The following PPID variants were observed in gnomAD, a reference collection of about 807,000 sequenced individuals.
PPID encodes the protein peptidylprolyl isomerase D.
PPID carries 47 observed loss-of-function variants against 48.1 expected under a neutral mutation model. The ratio of observed to expected loss-of-function variants is 0.98; its 90% confidence interval spans 0.77 to 1.25. The LOEUF (loss-of-function observed/expected upper bound fraction) is 1.25, where lower values mean the gene tolerates loss of function less well. PPID is among the 50% of genes most tolerant of loss of function. The probability of loss-of-function intolerance (pLI) is 0.00; values close to 1 mark genes in which losing one functional copy is unlikely to be tolerated. For missense variants in PPID, 429 were observed against 443.5 expected, an observed-to-expected ratio of 0.97 and a Z score of 0.29; for synonymous variants, 163 against 148.8, an observed-to-expected ratio of 1.10 and a Z score of -0.69.
At chr4:158,721,823 T>C (rs775110825) in intron 1 of PPID, among the ~76,000 whole-genome samples, 31 of 152,236 alleles carry the variant, frequency 2.0e-4, no homozygotes, top group Admixed American at 1.3e-3. Context: ...TGTCTTCCTG[T>C]GCCCAGCTTA....
At chr4:158,716,087 CTTTT>C (rs17843926) in intron 4 of PPID, among the ~76,000 whole-genome samples, 1 of 151,620 alleles carries the variant, frequency 6.6e-6, no homozygotes, top group African/African-American at 2.4e-5. Context: ...AGGGGTTTTT[CTTTT>C]TTTCTTTTTT....
chr4:158,715,519 C>T (rs779483664), intron 5 of PPID, 43 bp downstream of exon 5: 28 of 1,598,404 alleles, frequency 1.8e-5, no homozygotes, highest in Admixed American at 1.7e-5. Flanking sequence ...AATATTTTCA[C>T]TTACTAAATT....
chr4:158,712,625 C>T lies in PPID; in HGVS notation c.894+494G>A, dbSNP rs556305177. 2.1e-4 allele frequency among the ~76,000 whole-genome samples: 32 copies of T among 152,234 alleles called. No homozygotes were observed. In the South Asian group the frequency reaches 5.4e-3, roughly 26 times the overall value. On this transcript the variant is annotated intron_variant, in intron 7 of 9. Transcript: ENST00000307720. ...TACAAAAATTATCTGGGCATGGTGGCACATGCCTGTAATCCCAGCTACTTG... is the reference window on the plus strand; with the variant it reads ...TACAAAAATTATCTGGGCATGGTGGTACATGCCTGTAATCCCAGCTACTTG...
At position 158,723,223 on chromosome 4, in the gene PPID, C is replaced by T. The variant is rs747098693; in HGVS notation, c.66G>A (p.Val22=). 1 of 1,613,980 alleles carries T rather than the reference C, an allele frequency of 6.2e-7. No homozygotes were observed. Among genetic ancestry groups the T allele is most frequent in the Non-Finnish European group, 8.5e-7 (1 of 1,179,980 alleles). Residue 22 remains valine, a synonymous_variant, in exon 1 of 10, where the codon GTG becomes GTA. Transcript: ENST00000307720. Reference sequence around the variant, plus strand: ...GCTCACCTCGCTCCCCTCCGATGTCCACGTCAAAGAAGACTCGAGGGTTAC... The same window carrying T: ...GCTCACCTCGCTCCCCTCCGATGTCTACGTCAAAGAAGACTCGAGGGTTAC... ...NPSNPRVFFD[V]DIGGERVGRI... is the part of the protein sequence containing the mutation.
intron 1 of PPID, 40 bp downstream of exon 1, chr4:158,723,164 C>G: frequency 6.3e-7 from 1 of 1,575,450 alleles, no homozygotes; most frequent in Non-Finnish European, 8.7e-7. Context: ...GGAACCCCCG[C>G]CTCCTCGGGG....
chr4:158,722,979 G>GA (rs1169917423), intron 1 of PPID, among the ~76,000 whole-genome samples: 2 of 152,226 alleles, frequency 1.3e-5, no homozygotes, highest in East Asian at 3.8e-4. Context: ...TCCCGAACTA[G>GA]AAATTTCCAG....
chr4:158,723,153 G>C, intron 1 of PPID, 51 bp downstream of exon 1: 1 of 1,543,092 alleles, frequency 6.5e-7, no homozygotes. Context: ...CCCAAATCCC[G>C]GGAACCCCCG....
intron 2 of PPID, among the ~76,000 whole-genome samples, chr4:158,720,918 G>A (rs17843894): frequency 0.058 from 8,837 of 152,058 alleles, 661 homozygotes; most frequent in African/African-American, 0.18. Flanking sequence ...GTTTCACCGC[G>A]TTAGCCAAGA....
intron 7 of PPID, among the ~76,000 whole-genome samples, chr4:158,711,189 A>G (rs1456653608): frequency 2.0e-5 from 3 of 152,188 alleles, no homozygotes; most frequent in Admixed American, 6.5e-5. Context: ...AGGAACATTA[A>G]TAACTTAATA....
In PPID at chr4:158,709,196, A is replaced by G. The variant is rs1774729599; in HGVS notation, c.*540T>C. The stretch of plus-strand genomic sequence containing the variant: ...TACAAGTTTAAAAAGACTGGACACC[A>G]TTATTTTTTATGAATAATGCACATA... On this transcript the variant is annotated 3_prime_UTR_variant, in exon 10 of 10. Transcript: ENST00000307720. The G allele has an allele frequency of 6.5e-6, 1 of 152,940 alleles. No homozygotes were observed. Among genetic ancestry groups the G allele is most frequent in the Admixed American group, 6.5e-5 (1 of 15,352 alleles). 9.5% of individuals were successfully genotyped at this position (152,940 alleles called of 1,614,324 possible).
intron 2 of PPID, among the ~76,000 whole-genome samples, chr4:158,720,700 T>TAAC (rs1774942879): frequency 1.6e-4 from 4 of 25,426 alleles, no homozygotes; most frequent in African/African-American, 4.3e-4. Flanking sequence ...ATTATGCATT[T>TAAC]TTTTGTTTGT....
chr4:158,719,603 C>T (rs952612578), intron 2 of PPID, among the ~76,000 whole-genome samples: 1 of 152,194 alleles, frequency 6.6e-6, no homozygotes, highest in African/African-American at 2.4e-5. Flanking sequence ...ACTCTGCCTA[C>T]ATAACATATG....
At chr4:158,723,161 C>A (rs1182726889) in intron 1 of PPID, 43 bp downstream of exon 1, 3 of 1,570,222 alleles carry the variant, frequency 1.9e-6, no homozygotes, top group Non-Finnish European at 2.6e-6. Context: ...CCGGGAACCC[C>A]CGCCTCCTCG....
At chr4:158,711,684 G>C (rs914935658) in intron 7 of PPID, among the ~76,000 whole-genome samples, 1 of 152,198 alleles carries the variant, frequency 6.6e-6, no homozygotes, top group Non-Finnish European at 1.5e-5. Context: ...AAGAGATCGA[G>C]GCTGGGCAGA....
chr4:158,711,784 T>C (rs7673822), intron 7 of PPID, among the ~76,000 whole-genome samples: 140,110 of 152,022 alleles, frequency 0.92, 65,498 homozygotes, highest in East Asian at 1. Context: ...CTGGGCAACA[T>C]GTCAAAAACC....
chr4:158,721,310 A>G (rs1292816721), intron 2 of PPID, 33 bp downstream of exon 2: 3 of 1,605,346 alleles, frequency 1.9e-6, no homozygotes. Flanking sequence ...TGTCTGTATG[A>G]AGAATAACAA....
intron 2 of PPID, among the ~76,000 whole-genome samples, chr4:158,720,363 TA>T (rs1325233207): frequency 7.0e-6 from 1 of 143,174 alleles, no homozygotes. Context: ...AAATATTTTT[TA>T]AAAAGTTAAT....
intron 3 of PPID, among the ~76,000 whole-genome samples, chr4:158,717,814 A>G (rs17843919): frequency 0.29 from 43,397 of 152,130 alleles, 6,429 homozygotes; most frequent in African/African-American, 0.33. Context: ...AGAGTGCTCA[A>G]AAGAAACTGC....
chr4:158,721,080 C>G (rs1326384198), intron 2 of PPID, among the ~76,000 whole-genome samples: 1 of 152,166 alleles, frequency 6.6e-6, no homozygotes, highest in Non-Finnish European at 1.5e-5. Context: ...GCCTTCCTTT[C>G]TCAATCAAAT....
Sources: allele counts gnomAD v4.1 joint callset (sites outside exome capture counted in the v4.1 genomes callset), GRCh38; gene constraint gnomAD v4.1.1; transcripts MANE v1.5; gene names NCBI Gene and HGNC (gene_info 2026-07-23, HGNC 2026-07-21).